The following WWOX variants were observed in gnomAD, a reference collection of about 807,000 sequenced individuals.
WWOX encodes the protein WW domain containing oxidoreductase, also known as WW domain-containing oxidoreductase.
Under a neutral mutation model 46.2 loss-of-function variants are expected in WWOX, and 69 were observed. The ratio of observed to expected loss-of-function variants is 1.49; its 90% CI spans 1.23 to 1.82. The LOEUF (loss-of-function observed/expected upper bound fraction) is 1.82, where lower values mean the gene tolerates loss of function less well. WWOX is among the 40% of genes most tolerant of loss of function. The probability of loss-of-function intolerance (pLI) is 0.00; values close to 1 mark genes in which losing one functional copy is unlikely to be tolerated. For synonymous variants in WWOX, 359 were observed against 202.6 expected (o/e 1.77, Z -6.56); for missense variants, 919 against 542.6 (o/e 1.69, Z -6.89).
chr16:78,863,798 T>G (rs1459206152), intron 8 of WWOX, among the ~76,000 whole-genome samples: 1 of 152,172 alleles, frequency 6.6e-6, no homozygotes, highest in Non-Finnish European at 1.5e-5. Context: ...GCATAGTGAG[T>G]TGGAATGATG....
At chr16:78,947,773 CA>C (rs2045978224) in intron 8 of WWOX, among the ~76,000 whole-genome samples, 1 of 152,116 alleles carries the variant, frequency 6.6e-6, no homozygotes, top group African/African-American at 2.4e-5. Flanking sequence ...CTCTTGCCTC[CA>C]GGGGCTAAAT....
intron 5 of WWOX, among the ~76,000 whole-genome samples, chr16:78,305,471 AAATGATGG>A (rs2080117264): frequency 6.6e-6 from 1 of 152,190 alleles, no homozygotes; most frequent in Non-Finnish European, 1.5e-5. Flanking sequence ...GAACTCTTCC[AAATGATGG>A]CAGGGATATT....
chr16:78,328,390 A>G (rs777966205), intron 5 of WWOX, among the ~76,000 whole-genome samples: 1 of 152,226 alleles, frequency 6.6e-6, no homozygotes, highest in Admixed American at 6.5e-5. Context: ...AAAATTTAGA[A>G]TCCTTCAACA....
At chr16:78,989,274 G>A (rs972113776) in intron 8 of WWOX, among the ~76,000 whole-genome samples, 2 of 152,062 alleles carry the variant, frequency 1.3e-5, no homozygotes, top group East Asian at 3.9e-4. Context: ...CAATTAGAAG[G>A]CCTTCTTTTT....
At chr16:78,672,660 T>C (rs2047494805) in intron 8 of WWOX, among the ~76,000 whole-genome samples, 1 of 152,190 alleles carries the variant, frequency 6.6e-6, no homozygotes, top group Admixed American at 6.5e-5. Flanking sequence ...GAAAAGATAC[T>C]TAAATAAAAG....
chr16:79,056,508 C>T (rs2048264896), intron 8 of WWOX, among the ~76,000 whole-genome samples: 1 of 152,192 alleles, frequency 6.6e-6, no homozygotes, highest in Non-Finnish European at 1.5e-5. Context: ...AACTTGAGTA[C>T]AGGGTTTCTC....
intron 8 of WWOX, among the ~76,000 whole-genome samples, chr16:78,640,767 C>T (rs925359828): frequency 6.6e-6 from 1 of 151,692 alleles, no homozygotes; most frequent in Non-Finnish European, 1.5e-5. Flanking sequence ...GGTGAAACCC[C>T]GACTCTACTA....
At chr16:78,139,431 G>T (rs2033909711) in intron 4 of WWOX, among the ~76,000 whole-genome samples, 1 of 152,184 alleles carries the variant, frequency 6.6e-6, no homozygotes, top group Admixed American at 6.5e-5. Context: ...GAATCATGAG[G>T]TCAAGGGTTC....
chr16:78,423,447 C>A lies in WWOX; in HGVS notation c.606-1423C>A, dbSNP rs911970189. Among the ~76,000 whole-genome samples the A allele has an allele frequency of 1.6e-4, 25 of 152,068 alleles. 1 individual carries two copies. The East Asian group carries it at 4.8e-3, about 29-fold the overall frequency. ...AGTTTGTCACAAACACCGTGGATAG[C>A]CTTGTATATATTTATTTTGTTGTAT... On this transcript the variant is annotated intron_variant, in intron 6 of 8. Transcript: ENST00000566780.
At chr16:78,632,885 C>G (rs2046469850) in intron 8 of WWOX, among the ~76,000 whole-genome samples, 1 of 151,936 alleles carries the variant, frequency 6.6e-6, no homozygotes, top group Non-Finnish European at 1.5e-5. Context: ...GCCTGATCGC[C>G]TCTCCACCCC....
intron 5 of WWOX, among the ~76,000 whole-genome samples, chr16:78,190,496 C>A (rs1237591313): frequency 6.6e-6 from 1 of 152,172 alleles, no homozygotes; most frequent in Non-Finnish European, 1.5e-5. Context: ...AAAGGCTATG[C>A]CTGCTGGGTA....
chr16:78,940,321 G>A (rs2045826561), intron 8 of WWOX, among the ~76,000 whole-genome samples: 1 of 152,154 alleles, frequency 6.6e-6, no homozygotes, highest in African/African-American at 2.4e-5. Flanking sequence ...AGTCGTCATT[G>A]CTCGCTATAG....
At chr16:78,404,860 G>A (rs2082490501) in intron 6 of WWOX, among the ~76,000 whole-genome samples, 1 of 152,130 alleles carries the variant, frequency 6.6e-6, no homozygotes, top group Non-Finnish European at 1.5e-5. Flanking sequence ...GAATGCAAAG[G>A]GCAGGAGAAA....
chr16:78,970,765 G>A lies in WWOX; in HGVS notation c.1057-240843G>A, dbSNP rs118081722. 8.9e-3 allele frequency among the ~76,000 whole-genome samples: 1,350 copies of A among 152,178 alleles called. 13 individuals are homozygous for A. The highest frequency in any genetic ancestry group is 0.045 in the East Asian group (232 of 5,172). On this transcript the variant is annotated intron_variant, in intron 8 of 8. Coordinates refer to ENST00000566780, the MANE Select transcript of WWOX (RefSeq NM_016373.4). The stretch of plus-strand genomic sequence containing the variant: ...CTCCCCTCCTTCTTCCTTATTAGTC[G>A]TGATTCTTGGGGGGCAACTAAACCC...
chr16:78,212,962 G>A (rs540611073), intron 5 of WWOX, among the ~76,000 whole-genome samples: 22 of 152,232 alleles, frequency 1.4e-4, no homozygotes, highest in Admixed American at 3.3e-4. Flanking sequence ...GTGCTTTAAA[G>A]TCATTCATGG....
intron 8 of WWOX, among the ~76,000 whole-genome samples, chr16:78,527,097 A>G (rs1053188597): frequency 2.0e-5 from 3 of 152,034 alleles, no homozygotes; most frequent in Admixed American, 6.6e-5. Flanking sequence ...CCAGGAGGTG[A>G]GGTTGTGGTG....
At chr16:78,363,434 C>T (rs1043957118) in intron 5 of WWOX, among the ~76,000 whole-genome samples, 1 of 89,390 alleles carries the variant, frequency 1.1e-5, no homozygotes, top group Non-Finnish European at 2.5e-5. Flanking sequence ...CCACCACTTC[C>T]AGCTGATTAT....
chr16:78,318,111 A>G (rs2080391661), intron 5 of WWOX, among the ~76,000 whole-genome samples: 1 of 152,060 alleles, frequency 6.6e-6, no homozygotes, highest in African/African-American at 2.4e-5. Context: ...GATGTGAGTC[A>G]CTTTCCCTTT....
chr16:78,631,069 A>G (rs117593354), intron 8 of WWOX, among the ~76,000 whole-genome samples: 1,922 of 152,288 alleles, frequency 0.013, 45 homozygotes, highest in East Asian at 0.06. Flanking sequence ...TAATCTAGAG[A>G]TGATTTAAAG....
Sources: allele counts gnomAD v4.1 joint callset (sites outside exome capture counted in the v4.1 genomes callset), GRCh38; gene constraint gnomAD v4.1.1; transcripts MANE v1.5; gene names NCBI Gene and HGNC (gene_info 2026-07-23, HGNC 2026-07-21).